TOR1AIP2: variants seen among roughly 807,000 people sequenced by gnomAD.
TOR1AIP2 encodes torsin-1A-interacting protein 2.
Under a neutral mutation model 32.6 loss-of-function variants are expected in TOR1AIP2, and 20 were observed. The observed-to-expected ratio is 0.61, with a 90% CI of 0.43 to 0.89. The LOEUF (loss-of-function observed/expected upper bound fraction) is 0.89, where lower values mean the gene tolerates loss of function less well. TOR1AIP2 is among the 40% of genes least tolerant of loss of function. TOR1AIP2 has a pLI of 0.00. For missense variants in TOR1AIP2, 456 were observed against 553.8 expected (o/e 0.82, Z 1.77); for synonymous variants, 214 against 210.8 (o/e 1.02, Z -0.13).
chr1:179,868,722 G>C (rs141833662), intron 2 of TOR1AIP2: 171 of 151,746 alleles, frequency 1.1e-3, no homozygotes, highest in African/African-American at 4.1e-3. Context: ...TGAAACTCAA[G>C]AATGTTGAGC....
At chr1:179,863,677 C>CAAAAAA (rs904854823) in intron 3 of TOR1AIP2, 17 of 859,926 alleles carry the variant, frequency 2.0e-5, no homozygotes, top group Admixed American at 1.4e-4. Context: ...TTTTAAAAAG[C>CAAAAAA]AAAAAAAAAA....
chr1:179,864,889 A>G, intron 3 of TOR1AIP2: 1 of 1,614,008 alleles, frequency 6.2e-7, no homozygotes, highest in Non-Finnish European at 8.5e-7. Context: ...TTCTTTTTCT[A>G]ACCAGTGGAG....
At chr1:179,853,546 A>G (rs1571666238) in intron 3 of TOR1AIP2, among the ~76,000 whole-genome samples, 2 of 152,310 alleles carry the variant, frequency 1.3e-5, no homozygotes, top group South Asian at 4.1e-4. Flanking sequence ...TTTATTCCCT[A>G]TGAAAATGAG....
At chr1:179,869,797 A>G (rs1235512142) in intron 2 of TOR1AIP2, among the ~76,000 whole-genome samples, 1 of 152,162 alleles carries the variant, frequency 6.6e-6, no homozygotes, top group Non-Finnish European at 1.5e-5. Context: ...TACAAATTAG[A>G]AAAAGGCACA....
At chr1:179,865,289 TCAAC>T in intron 3 of TOR1AIP2, 143 bp downstream of exon 3, 1 of 1,338,018 alleles carries the variant, frequency 7.5e-7, no homozygotes, top group South Asian at 1.6e-5. Context: ...ATTTCTTAGT[TCAAC>T]CAATATTATT....
rs1695699592 is a variant in TOR1AIP2, at chr1:179,840,892, A to AATAATAATAATAATAAT, written c.*5162_*5178dup. ...ACATGTATCCCAGAACTTAAACTAT[A>AATAATAATAATAATAAT]ATAATAATAATAATAATAATAATAA... is the stretch of plus-strand genomic sequence containing the variant. On this transcript the variant is annotated 3_prime_UTR_variant, in exon 7 of 7. Coordinates refer to ENST00000609928, the MANE Select transcript of TOR1AIP2 (RefSeq NM_001199260.2). The AATAATAATAATAATAAT allele has an allele frequency of 7.6e-6, 1 of 131,286 alleles. No homozygotes were observed. The highest frequency in any genetic ancestry group is 2.6e-5 in the African/African-American group (1 of 38,954). 8.1% of individuals were successfully genotyped at this position (131,286 alleles called of 1,614,324 possible).
intron 5 of TOR1AIP2, among the ~76,000 whole-genome samples, chr1:179,849,809 CATTT>C (rs1404131325): frequency 1.3e-5 from 2 of 152,226 alleles, no homozygotes; most frequent in African/African-American, 4.8e-5. Context: ...CACATTCATT[CATTT>C]GACAAAATTC....
At chr1:179,873,341 G>A (rs1697081754) in intron 2 of TOR1AIP2, among the ~76,000 whole-genome samples, 1 of 152,274 alleles carries the variant, frequency 6.6e-6, no homozygotes, top group South Asian at 2.1e-4. Context: ...CAGTTATTTT[G>A]TAGAATGTTC....
rs572334493 is a variant in TOR1AIP2, at chr1:179,841,325, T to C, written c.*4746A>G. On this transcript the variant is annotated 3_prime_UTR_variant, in exon 7 of 7. Transcript: ENST00000609928. ...CAAGATATTAAAATGGAGACTGACA[T>C]TGAACTACATAGTCAACTTGAAAAA... 5.3e-5 allele frequency: 8 copies of C among 152,324 alleles called. No homozygotes were observed. The East Asian group carries it at 1.2e-3, about 22-fold the overall frequency. The allele number at this position is 152,324 out of a possible 1,614,324, so 9.4% of individuals were successfully genotyped here.
Position 179,847,518 on chromosome 1 carries a change from A to AT in TOR1AIP2, c.655+16_655+17insA. 1 of 1,566,368 alleles carries AT rather than the reference A, an allele frequency of 6.4e-7. No homozygotes were observed. Among genetic ancestry groups the AT allele is most frequent in the Non-Finnish European group, 8.8e-7 (1 of 1,136,542 alleles). ...GAAAGTGAATCAACACTGCAGTAAA[A>AT]CCAGGTTTGTTCTCACCATAGCTCC... On this transcript the variant is annotated intron_variant, in intron 6 of 6. Transcript: ENST00000609928.
rs1430460153 is a variant in TOR1AIP2 at position 179,845,723 on chromosome 1, A to G, written c.*348T>C. The G allele has an allele frequency of 6.5e-6, 1 of 153,130 alleles. No homozygotes were observed. Among genetic ancestry groups the G allele is most frequent in the Non-Finnish European group, 1.4e-5 (1 of 70,454 alleles). 9.5% of individuals were successfully genotyped at this position (153,130 alleles called of 1,614,324 possible). A position where few individuals can be genotyped will look rare whatever the true frequency, so the allele number is the denominator to read the frequency against. On this transcript the variant is annotated 3_prime_UTR_variant, in exon 7 of 7. Transcript: ENST00000609928. ...AAGGTTCTTCAGAGTCTCACTCAAG[A>G]AAAAAAAAAAATCACTCTGTAGTTA...
chr1:179,854,315 T>C (rs1404769294), intron 3 of TOR1AIP2, among the ~76,000 whole-genome samples: 1 of 151,894 alleles, frequency 6.6e-6, no homozygotes, highest in Non-Finnish European at 1.5e-5. Flanking sequence ...TTGAAGTCTA[T>C]AAAAAAGAGA....
intron 3 of TOR1AIP2, chr1:179,864,603 TACTA>T (rs1696691625): frequency 7.3e-7 from 1 of 1,376,318 alleles, no homozygotes; most frequent in East Asian, 2.6e-5. Flanking sequence ...CTGGCTGGAA[TACTA>T]ACTAAATTCA....
In TOR1AIP2 at chr1:179,846,665, C is replaced by T; in HGVS notation, c.819G>A (p.Leu273=). ...EDKFPGQSSF[L]WQRGRKFLQK... ...GGAGAAACTTCCGTCCTCTCTGCCA[C>T]AGGAAGGAACTCTGGCCTGGAAATT... The change falls in exon 7 of 7, where the codon CTG becomes CTA. Residue 273 remains leucine (L), a synonymous_variant. Transcript: ENST00000609928. 1.2e-6 allele frequency: 2 copies of T among 1,614,160 alleles called. No individual in the cohort carries two copies. Among genetic ancestry groups the T allele is most frequent in the African/African-American group, 1.3e-5 (1 of 75,042 alleles).
At chr1:179,856,788 A>G (rs1696320155) in intron 3 of TOR1AIP2, among the ~76,000 whole-genome samples, 1 of 152,078 alleles carries the variant, frequency 6.6e-6, no homozygotes. Context: ...TAATTTTTGT[A>G]TTTTTAGTAC....
rs771289980 is a variant in TOR1AIP2, at chr1:179,850,948, A to G, written c.450T>C (p.Ser150=). 27 of 1,614,060 alleles carry G rather than the reference A, an allele frequency of 1.7e-5. No individual in the cohort carries two copies. Among genetic ancestry groups the G allele is most frequent in the Middle Eastern group, 1.6e-4 (1 of 6,084 alleles). The part of the protein sequence containing the change: ...PKEASDGTGA[S]QEPPTTDSQE... ...GGGAGTCTGTAGTAGGTGGTTCCTGAGATGCTCCAGTTCCGTCACTCGCTT... is the reference window on the plus strand; with the variant it reads ...GGGAGTCTGTAGTAGGTGGTTCCTGGGATGCTCCAGTTCCGTCACTCGCTT... The change falls in exon 5 of 7, where the codon TCT becomes TCC. Residue 150 remains serine, a synonymous_variant. Transcript: ENST00000609928.
chr1:179,847,947 C>T (rs570037700), intron 5 of TOR1AIP2, among the ~76,000 whole-genome samples: 1 of 150,722 alleles, frequency 6.6e-6, no homozygotes, highest in African/African-American at 2.4e-5. Flanking sequence ...GCAGGAGAAT[C>T]GCTTGAACCT....
intron 3 of TOR1AIP2, chr1:179,863,249 C>G (rs1292178647): frequency 3.6e-6 from 3 of 830,568 alleles, no homozygotes. Context: ...AAAAAAAAAG[C>G]CCTGATTTCT....
chr1:179,863,094 C>T (rs991570348), intron 3 of TOR1AIP2: 12 of 227,616 alleles, frequency 5.3e-5, no homozygotes, highest in Non-Finnish European at 7.3e-5. Flanking sequence ...AGTGTGGTGG[C>T]GCACACCTGT....
Sources: allele counts gnomAD v4.1 joint callset (sites outside exome capture counted in the v4.1 genomes callset), GRCh38; gene constraint gnomAD v4.1.1; transcripts MANE v1.5; gene names NCBI Gene and HGNC (gene_info 2026-07-23, HGNC 2026-07-21).